The following IL1RAPL2 variants were observed in gnomAD, a reference collection of about 807,000 sequenced individuals.
The protein encoded by IL1RAPL2 is interleukin 1 receptor accessory protein like 2, also known as X-linked interleukin-1 receptor accessory protein-like 2.
IL1RAPL2 carries 3 observed loss-of-function variants against 44.1 expected under a neutral mutation model. The ratio of observed to expected loss-of-function variants is 0.07; its 90% CI spans 0.03 to 0.18. The LOEUF (loss-of-function observed/expected upper bound fraction) is 0.18, where lower values mean the gene tolerates loss of function less well. Among genes scored for constraint, IL1RAPL2 ranks in the 10% least tolerant of loss-of-function variants. IL1RAPL2 has a pLI of 1.00. For missense variants in IL1RAPL2, 391 were observed against 496.4 expected (o/e 0.79, Z 2.02); for synonymous variants, 181 against 178.8 (o/e 1.01, Z -0.10).
chrX:105,755,916 T>C (rs1006075281), intron 10 of IL1RAPL2, among the ~76,000 whole-genome samples: 8 of 111,981 alleles, frequency 7.1e-5, no homozygotes, highest in African/African-American at 2.6e-4. Flanking sequence ...ATGCTACACA[T>C]TGAAGACTAT....
At chrX:105,138,774 A>G (rs2033100407) in intron 2 of IL1RAPL2, among the ~76,000 whole-genome samples, 1 of 111,281 alleles carries the variant, frequency 9.0e-6, no homozygotes, top group Non-Finnish European at 1.9e-5. Context: ...TGTAACTTGC[A>G]GAAAGTCAGC....
At chrX:105,430,266 C>T (rs1418680044) in intron 5 of IL1RAPL2, among the ~76,000 whole-genome samples, 1 of 111,527 alleles carries the variant, frequency 9.0e-6, no homozygotes, top group Non-Finnish European at 1.9e-5. Flanking sequence ...ATTCACAACA[C>T]CCATAGTAGA....
At chrX:105,045,642 G>A (rs1327992861) in intron 2 of IL1RAPL2, among the ~76,000 whole-genome samples, 2 of 111,392 alleles carry the variant, frequency 1.8e-5, no homozygotes, top group African/African-American at 6.5e-5. Context: ...TGAACTCCTG[G>A]GCTTATGCAA....
chrX:105,027,703 A>G (rs1256486687), intron 2 of IL1RAPL2, among the ~76,000 whole-genome samples: 2 of 111,498 alleles, frequency 1.8e-5, no homozygotes, highest in Non-Finnish European at 3.8e-5. Context: ...ATGTGGAGAA[A>G]AGGGAACCCT....
intron 2 of IL1RAPL2, among the ~76,000 whole-genome samples, chrX:104,928,392 G>A (rs775918539): frequency 2.7e-5 from 3 of 111,158 alleles, no homozygotes; most frequent in Non-Finnish European, 5.7e-5. Context: ...AGTCTGCATT[G>A]AGAATGTGTT....
chrX:105,247,128 A>C (rs2034226050), intron 4 of IL1RAPL2, among the ~76,000 whole-genome samples: 1 of 111,381 alleles, frequency 9.0e-6, no homozygotes, highest in South Asian at 3.8e-4. Context: ...TGTGGGAGAG[A>C]GTTGTATCTC....
intron 2 of IL1RAPL2, among the ~76,000 whole-genome samples, chrX:104,692,927 T>G (rs1931116562): frequency 9.0e-6 from 1 of 111,726 alleles, no homozygotes; most frequent in African/African-American, 3.3e-5. Flanking sequence ...CACACCAACT[T>G]CCACAATGGT....
intron 2 of IL1RAPL2, among the ~76,000 whole-genome samples, chrX:104,676,197 A>G (rs1259595422): frequency 6.3e-5 from 7 of 111,389 alleles, no homozygotes; most frequent in Non-Finnish European, 1.3e-4. Flanking sequence ...CCTAGTCTGG[A>G]TGATCTTTAC....
intron 9 of IL1RAPL2, 121 bp downstream of exon 9, chrX:105,749,224 G>A: frequency 1.7e-6 from 1 of 600,987 alleles, no homozygotes; most frequent in Non-Finnish European, 2.5e-6. Flanking sequence ...GCTATGGCAA[G>A]TTACTTACCT....
At chrX:104,876,718 TTTATTATTATTATTA>T (rs200283526) in intron 2 of IL1RAPL2, among the ~76,000 whole-genome samples, 2 of 93,405 alleles carry the variant, frequency 2.1e-5, no homozygotes, top group African/African-American at 8.0e-5. Flanking sequence ...AACAATTTCT[TTTATTATTATTATTA>T]TTATTATTAT....
intron 5 of IL1RAPL2, among the ~76,000 whole-genome samples, chrX:105,294,081 T>A (rs750152604): frequency 8.9e-6 from 1 of 112,554 alleles, no homozygotes; most frequent in African/African-American, 3.2e-5. Flanking sequence ...TCTGTATCTG[T>A]CACCATTTCC....
At chrX:104,735,603 A>AGCGC (rs1321711031) in intron 2 of IL1RAPL2, among the ~76,000 whole-genome samples, 1 of 111,644 alleles carries the variant, frequency 9.0e-6, no homozygotes, top group Non-Finnish European at 1.9e-5. Context: ...ATTAGTGTCA[A>AGCGC]GCGCATCCCA....
At chrX:104,679,482 G>A (rs1930853376) in intron 2 of IL1RAPL2, among the ~76,000 whole-genome samples, 1 of 111,971 alleles carries the variant, frequency 8.9e-6, no homozygotes, top group African/African-American at 3.2e-5. Context: ...CAAGAACAAG[G>A]AAGAGAATAA....
intron 2 of IL1RAPL2, among the ~76,000 whole-genome samples, chrX:104,940,384 T>A (rs1425955294): frequency 1.8e-5 from 2 of 111,539 alleles, no homozygotes; most frequent in African/African-American, 6.5e-5. Context: ...TTTGGAGAAA[T>A]ATGTAAAGGT....
intron 2 of IL1RAPL2, among the ~76,000 whole-genome samples, chrX:104,835,279 T>C (rs1042997515): frequency 6.3e-5 from 7 of 111,519 alleles, no homozygotes; most frequent in African/African-American, 2.3e-4. Flanking sequence ...AGTGATTCTC[T>C]GTGTTACCTG....
At chrX:104,872,303 T>G (rs1458019881) in intron 2 of IL1RAPL2, among the ~76,000 whole-genome samples, 2 of 111,648 alleles carry the variant, frequency 1.8e-5, no homozygotes, top group African/African-American at 6.5e-5. Context: ...CATGAGCAGT[T>G]TCAACCTTTC....
chrX:104,903,527 T>C (rs768108807), intron 2 of IL1RAPL2, among the ~76,000 whole-genome samples: 3 of 111,551 alleles, frequency 2.7e-5, no homozygotes, highest in African/African-American at 9.8e-5. Flanking sequence ...TGGGTGTCCA[T>C]TGGAGTTTCT....
intron 5 of IL1RAPL2, among the ~76,000 whole-genome samples, chrX:105,455,703 A>G (rs1294422395): frequency 8.9e-6 from 1 of 111,885 alleles, no homozygotes; most frequent in Non-Finnish European, 1.9e-5. Flanking sequence ...TACCCGTACC[A>G]TCCTGTTTTG....
intron 5 of IL1RAPL2, among the ~76,000 whole-genome samples, chrX:105,420,510 G>A (rs1253889587): frequency 9.0e-6 from 1 of 111,694 alleles, no homozygotes; most frequent in East Asian, 2.8e-4. Flanking sequence ...CATGTGCTTG[G>A]TTCATCAGGG....
Sources: gnomAD v4.1 joint callset for allele counts (sites outside exome capture counted in the v4.1 genomes callset) on GRCh38, gnomAD v4.1.1 for gene constraint, MANE v1.5 for transcripts, NCBI Gene and HGNC (gene_info 2026-07-23, HGNC 2026-07-21) for gene names.